The following GPM6A variants were observed in gnomAD, a reference collection of about 807,000 sequenced individuals.
GPM6A encodes glycoprotein M6A.
GPM6A carries 7 observed loss-of-function variants against 32.1 expected under a neutral mutation model. The observed-to-expected ratio is 0.22, with a 90% CI of 0.12 to 0.41. GPM6A has a LOEUF of 0.41. Ranked by LOEUF, GPM6A falls within the 10% of genes least tolerant of loss-of-function variation. The pLI is 1.00. For synonymous variants in GPM6A, 130 were observed against 123.4 expected, an observed-to-expected ratio of 1.05 and a Z score of -0.35; for missense variants, 235 against 347.2, an observed-to-expected ratio of 0.68 and a Z score of 2.57.
At chr4:175,649,114 A>G (rs1171882014) in intron 4 of GPM6A, among the ~76,000 whole-genome samples, 3 of 152,196 alleles carry the variant, frequency 2.0e-5, no homozygotes, top group Non-Finnish European at 2.9e-5. Context: ...TTTCAATCCC[A>G]GCACGGCCTG....
In GPM6A at chr4:175,952,300, G is replaced by C. The variant is rs1038669324; in HGVS notation, c.-23+50009C>G. ...GATACTATATTCCTTAAGAAGCTAGGAGAAGTTCGTTTCTATGTACACTTC... is the reference window on the plus strand; with the variant it reads ...GATACTATATTCCTTAAGAAGCTAGCAGAAGTTCGTTTCTATGTACACTTC... On this transcript the variant is annotated intron_variant, in intron 1 of 7. Coordinates refer to the GPM6A transcript ENST00000280187. 7.9e-5 allele frequency among the ~76,000 whole-genome samples: 12 copies of C among 152,294 alleles called. No individual in the cohort carries two copies. In the East Asian group the frequency reaches 2.3e-3, roughly 29 times the overall value.
intron 1 of GPM6A, among the ~76,000 whole-genome samples, chr4:175,971,270 G>GAAAAAA (rs146658517): frequency 5.3e-5 from 7 of 132,046 alleles, no homozygotes; most frequent in Admixed American, 1.6e-4. Context: ...TATCTTCCGT[G>GAAAAAA]AAAAAAAAAA....
chr4:175,933,960 A>G (rs1739141571), intron 1 of GPM6A, among the ~76,000 whole-genome samples: 1 of 152,234 alleles, frequency 6.6e-6, no homozygotes, highest in South Asian at 2.1e-4. Context: ...TTTAAAAGAA[A>G]TGGGCTATTA....
At chr4:175,812,451 A>C (rs1033705846), upstream of GPM6A, 2 of 1,273,582 alleles carry the variant, frequency 1.6e-6, no homozygotes, top group Non-Finnish European at 2.0e-6. Context: ...TTTCATTCAA[A>C]TTACTCTTCC....
At chr4:175,785,548 C>G (rs1307299169) in intron 1 of GPM6A, among the ~76,000 whole-genome samples, 1 of 152,214 alleles carries the variant, frequency 6.6e-6, no homozygotes, top group East Asian at 1.9e-4. Context: ...CTCATCTCCT[C>G]TAAATCACCC....
intron 2 of GPM6A, among the ~76,000 whole-genome samples, chr4:175,685,674 C>T (rs186244311): frequency 1.3e-5 from 2 of 152,236 alleles, no homozygotes; most frequent in East Asian, 3.9e-4. Flanking sequence ...CTGTTTAGAA[C>T]AATGGTTTAA....
chr4:175,639,138 T>C (rs1740987220), intron 6 of GPM6A, among the ~76,000 whole-genome samples: 1 of 152,174 alleles, frequency 6.6e-6, no homozygotes. Flanking sequence ...TGACATAGTT[T>C]TATTGAATAT....
At chr4:175,885,162 G>A (rs1285893024) in intron 1 of GPM6A, among the ~76,000 whole-genome samples, 2 of 152,064 alleles carry the variant, frequency 1.3e-5, no homozygotes, top group Admixed American at 1.3e-4. Flanking sequence ...AATAAATTGT[G>A]GTATAACCAT....
chr4:175,904,198 C>G lies in GPM6A; in HGVS notation c.-22-91949G>C, dbSNP rs1416242478. On this transcript the variant is annotated intron_variant, in intron 1 of 7. Transcript: ENST00000280187. ...AAAAAGTTTAATTATCCATGAAAGA[C>G]ACTATTTACAACCCATATTTATTAT... Among the ~76,000 whole-genome samples the G allele has an allele frequency of 3.3e-5, 5 of 152,140 alleles. No individual in the cohort carries two copies. In the East Asian group the frequency reaches 9.6e-4, roughly 29 times the overall value.
intron 3 of GPM6A, among the ~76,000 whole-genome samples, chr4:175,668,314 A>C (rs1742859599): frequency 6.6e-6 from 1 of 151,834 alleles, no homozygotes; most frequent in Non-Finnish European, 1.5e-5. Flanking sequence ...CTTCTTCCTC[A>C]ATGCCACGGT....
chr4:175,813,017 CT>C, upstream of GPM6A: 1 of 984,624 alleles, frequency 1.0e-6, no homozygotes, highest in Non-Finnish European at 1.2e-6. Flanking sequence ...GTATAAAGCT[CT>C]AAGCCTGAGA....
chr4:175,785,619 G>C (rs1733768535), intron 1 of GPM6A, among the ~76,000 whole-genome samples: 1 of 152,064 alleles, frequency 6.6e-6, no homozygotes. Flanking sequence ...CAGAACTAAA[G>C]AAGAAACCCC....
At chr4:175,796,984 TTTG>T (rs141909427) in intron 1 of GPM6A, among the ~76,000 whole-genome samples, 50,741 of 151,824 alleles carry the variant, frequency 0.33, 9,286 homozygotes, top group South Asian at 0.43. Context: ...TATGCCATTC[TTTG>T]TTGTTTTTAG....
intron 3 of GPM6A, among the ~76,000 whole-genome samples, chr4:175,665,796 A>G (rs540191849): frequency 6.6e-6 from 1 of 151,840 alleles, no homozygotes; most frequent in Non-Finnish European, 1.5e-5. Flanking sequence ...AAAAAAAGGC[A>G]TCATCTTAGT....
intron 1 of GPM6A, among the ~76,000 whole-genome samples, chr4:175,922,422 T>C (rs1738699335): frequency 6.6e-6 from 1 of 152,140 alleles, no homozygotes; most frequent in East Asian, 1.9e-4. Context: ...AGCTCCATAA[T>C]TATCTCAGAG....
chr4:175,754,495 T>G (rs1029930194), intron 1 of GPM6A, among the ~76,000 whole-genome samples: 1 of 152,214 alleles, frequency 6.6e-6, no homozygotes, highest in Admixed American at 6.5e-5. Flanking sequence ...GTATTTCTAT[T>G]TACATAATTT....
rs564032706 is a variant in GPM6A, at chr4:175,642,493, A to G, written c.542-1664T>C. Among the ~76,000 whole-genome samples, 176 of 152,290 alleles carry G rather than the reference A, an allele frequency of 1.2e-3. 2 individuals carry two copies. The highest frequency in any genetic ancestry group is 7.4e-5 in the Non-Finnish European group (5 of 68,026). The stretch of plus-strand genomic sequence containing the variant: ...CCCCCCTCCATGGAAATTTTCTTAT[A>G]AAGATAATAATGACCTCCAAGGATT... On this transcript the variant is annotated intron_variant, in intron 4 of 6. Transcript: ENST00000393658.
intron 1 of GPM6A, among the ~76,000 whole-genome samples, chr4:175,723,956 C>A (rs1376612424): frequency 1.3e-5 from 2 of 152,116 alleles, no homozygotes; most frequent in Non-Finnish European, 2.9e-5. Flanking sequence ...AGCAATCTCA[C>A]TACTGGGTAT....
At chr4:175,859,796 G>A (rs1015149271) in intron 1 of GPM6A, among the ~76,000 whole-genome samples, 7 of 151,810 alleles carry the variant, frequency 4.6e-5, no homozygotes, top group Admixed American at 3.9e-4. Context: ...GGAACTAGAT[G>A]CCCCCAAAAC....
Sources: gnomAD v4.1 joint callset for allele counts (sites outside exome capture counted in the v4.1 genomes callset) on GRCh38, gnomAD v4.1.1 for gene constraint, MANE v1.5 for transcripts, NCBI Gene and HGNC (gene_info 2026-07-23, HGNC 2026-07-21) for gene names.